DOK6: variants seen among roughly 807,000 people sequenced by gnomAD.
DOK6 encodes the protein downstream of tyrosine kinase 6.
DOK6 carries 22 observed loss-of-function variants against 44.0 expected under a neutral mutation model. That is an observed-to-expected ratio of 0.50 (90% CI 0.36 to 0.71). DOK6 has a LOEUF of 0.71. DOK6 is among the 30% of genes least tolerant of loss of function. The pLI, the probability that DOK6 is intolerant of heterozygous loss-of-function variation, is 0.00. For synonymous variants in DOK6, 166 were observed against 145.5 expected, an observed-to-expected ratio of 1.14 and a Z score of -1.01; for missense variants, 340 against 416.4, an observed-to-expected ratio of 0.82 and a Z score of 1.60.
At chr18:69,757,903 C>A in intron 7 of DOK6, 30 bp downstream of exon 7, 1 of 1,565,656 alleles carries the variant, frequency 6.4e-7, no homozygotes, top group Non-Finnish European at 8.8e-7. Context: ...GAAAGCAGTG[C>A]CTCCATAAGC....
intron 2 of DOK6, among the ~76,000 whole-genome samples, chr18:69,581,751 G>A (rs1306681216): frequency 2.0e-5 from 3 of 152,192 alleles, no homozygotes; most frequent in Non-Finnish European, 4.4e-5. Context: ...TACAGATAGG[G>A]AGGTACATTT....
At position 69,739,043 on chromosome 18, in the gene DOK6, G is replaced by C. The variant is rs777909057; in HGVS notation, c.678G>C (p.Ala226=). 1 of 1,613,946 alleles carries C rather than the reference G, an allele frequency of 6.2e-7. No individual in the cohort carries two copies. The highest frequency in any genetic ancestry group is 1.3e-5 in the African/African-American group (1 of 74,910). ...TGATCTATCAGAAGGTTCATTCTGC[G>C]ACACTGGCCATAGCTGAGCAACATG... ...GEMIYQKVHS[A]TLAIAEQHER... Residue 226 remains alanine (A), a synonymous_variant, in exon 6 of 8, where the codon GCG becomes GCC. Coordinates refer to ENST00000382713, the MANE Select transcript of DOK6 (RefSeq NM_152721.6).
intron 1 of DOK6, among the ~76,000 whole-genome samples, chr18:69,439,532 G>A (rs1413701316): frequency 1.3e-5 from 2 of 152,182 alleles, no homozygotes; most frequent in Non-Finnish European, 2.9e-5. Context: ...AATGATCTTA[G>A]CTAGATCTTC....
chr18:69,792,433 C>T lies in DOK6; in HGVS notation c.856+34560C>T, dbSNP rs115003445. On this transcript the variant is annotated intron_variant, in intron 7 of 7. Transcript: ENST00000382713. Reference sequence around the variant, plus strand: ...TTCTATTTCTTGCATCGGTGTTTTACGGTTTTTTTTGTAGAGATCTTATCA... The same window carrying T: ...TTCTATTTCTTGCATCGGTGTTTTATGGTTTTTTTTGTAGAGATCTTATCA... Among the ~76,000 whole-genome samples, 71 of 151,944 alleles carry T rather than the reference C, an allele frequency of 4.7e-4. 1 individual carries two copies. Among genetic ancestry groups the T allele is most frequent in the African/African-American group, 1.5e-3 (62 of 41,460 alleles).
intron 1 of DOK6, among the ~76,000 whole-genome samples, chr18:69,475,805 G>C (rs913831168): frequency 7.9e-5 from 12 of 152,106 alleles, no homozygotes; most frequent in Non-Finnish European, 1.8e-4. Flanking sequence ...TTAGACACAA[G>C]TTAACTTTCC....
chr18:69,654,796 G>C (rs1336958965), intron 3 of DOK6, among the ~76,000 whole-genome samples: 2 of 152,132 alleles, frequency 1.3e-5, no homozygotes, highest in Non-Finnish European at 2.9e-5. Context: ...AGTGGTGCAC[G>C]CCTGTAATCC....
intron 1 of DOK6, among the ~76,000 whole-genome samples, chr18:69,417,093 C>T (rs911381620): frequency 6.6e-6 from 1 of 152,104 alleles, no homozygotes; most frequent in Non-Finnish European, 1.5e-5. Flanking sequence ...TTCAACTCTA[C>T]TCTTCTAGTT....
intron 2 of DOK6, among the ~76,000 whole-genome samples, chr18:69,566,117 T>G (rs1221381102): frequency 2.5e-4 from 4 of 16,176 alleles, no homozygotes; most frequent in African/African-American, 5.1e-4. Context: ...CTCGGTTTAT[T>G]TATTTATTTA....
At chr18:69,643,444 C>T (rs1984993298) in intron 3 of DOK6, among the ~76,000 whole-genome samples, 1 of 152,178 alleles carries the variant, frequency 6.6e-6, no homozygotes, top group African/African-American at 2.4e-5. Flanking sequence ...CCACCCCATC[C>T]CTAACCTTTG....
rs75649264 is a variant in DOK6 at position 69,543,292 on chromosome 18, G to C, written c.67-21195G>C. ...CCTTCATGACTGGTTTCCAGTTTGA[G>C]AACAAGGACTTTCTTTTAGGGAGTT... On this transcript the variant is annotated intron_variant, in intron 1 of 7. Transcript: ENST00000382713. 6.8e-3 allele frequency among the ~76,000 whole-genome samples: 1,033 copies of C among 151,652 alleles called. 15 individuals carry two copies. The highest frequency in any genetic ancestry group is 0.024 in the African/African-American group (983 of 41,476).
intron 3 of DOK6, among the ~76,000 whole-genome samples, chr18:69,624,174 T>C (rs1984504556): frequency 6.6e-6 from 1 of 152,186 alleles, no homozygotes; most frequent in African/African-American, 2.4e-5. Flanking sequence ...ATAATTATCT[T>C]CTTCTTTCCA....
At chr18:69,678,990 C>T (rs1017545952) in intron 4 of DOK6, among the ~76,000 whole-genome samples, 1 of 152,098 alleles carries the variant, frequency 6.6e-6, no homozygotes, top group Non-Finnish European at 1.5e-5. Context: ...CCAGCTTGCA[C>T]AACATAGTGA....
chr18:69,827,409 T>C (rs185445920), intron 7 of DOK6, among the ~76,000 whole-genome samples: 12 of 152,194 alleles, frequency 7.9e-5, no homozygotes, highest in African/African-American at 2.9e-4. Flanking sequence ...AGTCAAAATT[T>C]TGTTCCTGAT....
chr18:69,617,231 G>T (rs1338946930), intron 3 of DOK6, among the ~76,000 whole-genome samples: 1 of 152,028 alleles, frequency 6.6e-6, no homozygotes, highest in African/African-American at 2.4e-5. Context: ...AAGGTGGGAG[G>T]ATAGAGTGAG....
At chr18:69,489,942 A>T (rs1421909999) in intron 1 of DOK6, among the ~76,000 whole-genome samples, 1 of 151,298 alleles carries the variant, frequency 6.6e-6, no homozygotes, top group Admixed American at 6.6e-5. Flanking sequence ...AAAAAAAAAA[A>T]CCCTATCTTT....
intron 2 of DOK6, among the ~76,000 whole-genome samples, chr18:69,566,021 ATAT>A (rs1446264270): frequency 1.3e-5 from 2 of 152,226 alleles, no homozygotes; most frequent in African/African-American, 4.8e-5. Flanking sequence ...TGGGCTGAGC[ATAT>A]TATATCTTAT....
intron 1 of DOK6, among the ~76,000 whole-genome samples, chr18:69,466,527 T>A (rs952579986): frequency 2.6e-5 from 4 of 152,184 alleles, no homozygotes; most frequent in Non-Finnish European, 5.9e-5. Context: ...TGAACATATA[T>A]CTAGACTTGG....
intron 3 of DOK6, chr18:69,618,451 T>C: frequency 6.3e-6 from 1 of 157,810 alleles, no homozygotes; most frequent in Non-Finnish European, 1.4e-5. Context: ...AAGAAGGGTT[T>C]AAGAGTTTTG....
intron 1 of DOK6, among the ~76,000 whole-genome samples, chr18:69,429,635 A>ATATG (rs1167108248): frequency 6.3e-5 from 2 of 31,812 alleles, no homozygotes; most frequent in African/African-American, 2.9e-4. Flanking sequence ...ATATATATAT[A>ATATG]TATATATATA....
Sources: allele counts gnomAD v4.1 joint callset (sites outside exome capture counted in the v4.1 genomes callset), GRCh38; gene constraint gnomAD v4.1.1; transcripts MANE v1.5; gene names NCBI Gene and HGNC (gene_info 2026-07-23, HGNC 2026-07-21).